The following SLC38A11 variants were observed in gnomAD, a reference collection of about 807,000 sequenced individuals.
SLC38A11 encodes putative sodium-coupled neutral amino acid transporter 11.
A neutral mutation model predicts 49.4 loss-of-function variants in SLC38A11; 51 were observed. The ratio of observed to expected loss-of-function variants is 1.03; its 90% CI spans 0.83 to 1.30. SLC38A11 has a LOEUF of 1.30. Ranked by LOEUF, SLC38A11 falls within the 50% of genes most tolerant of loss-of-function variation. The pLI is 0.00. For synonymous variants in SLC38A11, 203 were observed against 192.9 expected, an observed-to-expected ratio of 1.05 and a Z score of -0.43; for missense variants, 574 against 556.2, an observed-to-expected ratio of 1.03 and a Z score of -0.32.
chr2:164,899,798 G>C (rs1000862623), intron 11 of SLC38A11, among the ~76,000 whole-genome samples: 6 of 152,094 alleles, frequency 3.9e-5, no homozygotes, highest in Admixed American at 3.9e-4. Flanking sequence ...TTGGTGATGA[G>C]AGCAACTAAT....
At chr2:164,914,986 G>C (rs1685669437) in intron 9 of SLC38A11, 126 bp downstream of exon 9, 1 of 843,336 alleles carries the variant, frequency 1.2e-6, no homozygotes, top group South Asian at 2.7e-5. Context: ...GGAGGGTAGA[G>C]AGAATGGGTG....
At chr2:164,906,274 C>T (rs1369282418) in intron 11 of SLC38A11, among the ~76,000 whole-genome samples, 1 of 152,152 alleles carries the variant, frequency 6.6e-6, no homozygotes, top group Non-Finnish European at 1.5e-5. Context: ...TTGATTATCT[C>T]CACAGCATAG....
chr2:164,941,485 A>C (rs548336479), intron 5 of SLC38A11, among the ~76,000 whole-genome samples: 50 of 152,308 alleles, frequency 3.3e-4, no homozygotes, highest in African/African-American at 1.1e-3. Context: ...TGAACATTAT[A>C]AACTGTCACA....
chr2:164,905,618 C>A (rs1054171604), intron 11 of SLC38A11, among the ~76,000 whole-genome samples: 3 of 152,066 alleles, frequency 2.0e-5, no homozygotes, highest in African/African-American at 7.2e-5. Flanking sequence ...AAAAGACGTA[C>A]TGATGTGAAA....
intron 6 of SLC38A11, 24 bp downstream of exon 6, chr2:164,939,426 G>T: frequency 6.8e-7 from 1 of 1,477,366 alleles, no homozygotes; most frequent in Non-Finnish European, 9.4e-7. Flanking sequence ...ACATTTCTAT[G>T]CCCATTTAAA....
chr2:164,935,255 C>T (rs1051882437), intron 7 of SLC38A11, among the ~76,000 whole-genome samples: 20 of 151,350 alleles, frequency 1.3e-4, no homozygotes, highest in Non-Finnish European at 2.5e-4. Flanking sequence ...CTAATTCAGG[C>T]CTCTCTCTGC....
At position 164,955,190 on chromosome 2, in the gene SLC38A11, G is replaced by A; in HGVS notation, c.39+19C>T. ...TTCCGGACAACTGGCTTCAGAACCTGCCTAGTCGCTAGTTTTACCTGCGGC... is the reference window on the plus strand; with the variant it reads ...TTCCGGACAACTGGCTTCAGAACCTACCTAGTCGCTAGTTTTACCTGCGGC... On this transcript the variant is annotated intron_variant, in intron 1 of 11. Coordinates refer to ENST00000685975, the MANE Select transcript of SLC38A11 (RefSeq NM_001351537.2). 6.5e-7 allele frequency: 1 copy of A among 1,550,166 alleles called. No individual in the cohort carries two copies. Among genetic ancestry groups the A allele is most frequent in the Non-Finnish European group, 8.7e-7 (1 of 1,146,554 alleles).
intron 2 of SLC38A11, among the ~76,000 whole-genome samples, 185 bp downstream of exon 2, chr2:164,954,446 C>T (rs1688715812): frequency 6.6e-6 from 1 of 152,042 alleles, no homozygotes; most frequent in South Asian, 2.1e-4. Flanking sequence ...GCCCCATCTT[C>T]AGCATAAAAG....
At chr2:164,922,619 C>A in intron 7 of SLC38A11, among the ~76,000 whole-genome samples, 1 of 152,238 alleles carries the variant, frequency 6.6e-6, no homozygotes, top group East Asian at 1.9e-4. Context: ...TCTTCGCTTG[C>A]GGATTGGAAG....
chr2:164,912,220 CTA>C, intron 9 of SLC38A11: 1 of 152,304 alleles, frequency 6.6e-6, no homozygotes, highest in East Asian at 1.9e-4. Context: ...AATTCAATAA[CTA>C]TGTAGTTATT....
chr2:164,946,564 CA>C (rs34775521), intron 3 of SLC38A11, among the ~76,000 whole-genome samples: 43,614 of 106,038 alleles, frequency 0.41, 8,176 homozygotes, highest in East Asian at 0.59. Flanking sequence ...GACTCCCTCT[CA>C]AAAAAAAAAA....
chr2:164,936,046 T>C (rs543299778), intron 7 of SLC38A11, among the ~76,000 whole-genome samples: 10 of 152,320 alleles, frequency 6.6e-5, no homozygotes, highest in African/African-American at 2.2e-4. Flanking sequence ...AAAATACCTT[T>C]CTGTCATTTA....
chr2:164,940,222 A>T (rs1029906133), intron 5 of SLC38A11, among the ~76,000 whole-genome samples: 2 of 58,584 alleles, frequency 3.4e-5, no homozygotes, highest in African/African-American at 1.1e-4. Flanking sequence ...ATACAAATAG[A>T]AAATTTTATA....
chr2:164,928,466 C>G (rs934421841), intron 7 of SLC38A11, among the ~76,000 whole-genome samples: 1 of 152,126 alleles, frequency 6.6e-6, no homozygotes, highest in Non-Finnish European at 1.5e-5. Context: ...TTCAGCAATT[C>G]TTTGCTGAAT....
intron 11 of SLC38A11, among the ~76,000 whole-genome samples, chr2:164,907,494 G>A (rs917988931): frequency 4.0e-5 from 6 of 151,844 alleles, no homozygotes; most frequent in African/African-American, 1.5e-4. Context: ...TCCAACTCCT[G>A]GGCTCAAGCA....
At chr2:164,948,124 T>C (rs995801767) in intron 3 of SLC38A11, among the ~76,000 whole-genome samples, 4 of 152,182 alleles carry the variant, frequency 2.6e-5, no homozygotes, top group Non-Finnish European at 5.9e-5. Flanking sequence ...TTTGAGCTCA[T>C]CTGTAAAGTA....
intron 7 of SLC38A11, among the ~76,000 whole-genome samples, chr2:164,917,811 C>T (rs1364165726): frequency 6.6e-6 from 1 of 152,050 alleles, no homozygotes; most frequent in African/African-American, 2.4e-5. Context: ...TTCATTTTTT[C>T]TCTTCCATTT....
chr2:164,936,932 A>T (rs1386293220), intron 7 of SLC38A11, among the ~76,000 whole-genome samples: 1 of 152,182 alleles, frequency 6.6e-6, no homozygotes, highest in Non-Finnish European at 1.5e-5. Flanking sequence ...AAAATAATTA[A>T]GGAAAATAAT....
chr2:164,948,268 G>A (rs1466342318), intron 3 of SLC38A11, among the ~76,000 whole-genome samples: 2 of 152,236 alleles, frequency 1.3e-5, no homozygotes, highest in African/African-American at 4.8e-5. Context: ...GCACGTGACA[G>A]TGGGAAAAGT....
Sources: gnomAD v4.1 joint callset for allele counts (sites outside exome capture counted in the v4.1 genomes callset) on GRCh38, gnomAD v4.1.1 for gene constraint, MANE v1.5 for transcripts, NCBI Gene and HGNC (gene_info 2026-07-23, HGNC 2026-07-21) for gene names.